The following ADGRL2 variants were observed in gnomAD, a reference collection of about 807,000 sequenced individuals.
The protein encoded by ADGRL2 is calcium-independent alpha-latrotoxin receptor 2.
In ADGRL2, 44 loss-of-function variants were observed where a neutral mutation model predicts 157.4. The observed-to-expected ratio is 0.28, with a 90% CI of 0.22 to 0.36. The LOEUF (loss-of-function observed/expected upper bound fraction) is 0.36. ADGRL2 is among the 10% of genes least tolerant of loss of function. ADGRL2 has a pLI of 1.00. For synonymous variants in ADGRL2, 585 were observed against 624.7 expected, an observed-to-expected ratio of 0.94 and a Z score of 0.95; for missense variants, 1,510 against 1,768.9, an observed-to-expected ratio of 0.85 and a Z score of 2.63.
chr1:81,435,957 G>C (rs192730169), intron 1 of ADGRL2, among the ~76,000 whole-genome samples: 2 of 152,018 alleles, frequency 1.3e-5, no homozygotes, highest in Non-Finnish European at 2.9e-5. Context: ...TTAGCCGGGC[G>C]TGGTGGTGGA....
intron 2 of ADGRL2, among the ~76,000 whole-genome samples, chr1:81,881,331 A>G (rs1166779584): frequency 6.6e-6 from 1 of 152,028 alleles, no homozygotes; most frequent in Non-Finnish European, 1.5e-5. Context: ...GCCCGCCGCC[A>G]CGCCCGGCTA....
At chr1:81,681,759 T>A (rs1217666071) in intron 3 of ADGRL2, among the ~76,000 whole-genome samples, 1 of 152,166 alleles carries the variant, frequency 6.6e-6, no homozygotes, top group African/African-American at 2.4e-5. Flanking sequence ...GCAAAGCAGG[T>A]GGGGCTTTGC....
At chr1:81,613,389 G>T (rs980733073) in intron 3 of ADGRL2, among the ~76,000 whole-genome samples, 4 of 152,192 alleles carry the variant, frequency 2.6e-5, no homozygotes, top group Admixed American at 1.3e-4. Flanking sequence ...ATGTTTCTGT[G>T]CATGAAAGCC....
intron 3 of ADGRL2, among the ~76,000 whole-genome samples, chr1:81,930,998 A>G (rs1290166181): frequency 6.6e-6 from 1 of 152,096 alleles, no homozygotes; most frequent in African/African-American, 2.4e-5. Flanking sequence ...AAAAAATAAA[A>G]ATTAGCCAGG....
chr1:81,643,547 A>G (rs955335543), intron 3 of ADGRL2, among the ~76,000 whole-genome samples: 1 of 152,132 alleles, frequency 6.6e-6, no homozygotes, highest in East Asian at 1.9e-4. Flanking sequence ...AGACTCAAGC[A>G]ATCCTCCTGC....
intron 11 of ADGRL2, among the ~76,000 whole-genome samples, chr1:81,963,707 CT>C (rs1159395275): frequency 1.3e-5 from 2 of 151,142 alleles, no homozygotes; most frequent in East Asian, 3.9e-4. Context: ...TTTCTATATG[CT>C]TTTTTAACTT....
chr1:81,829,837 C>T (rs1216790138), intron 1 of ADGRL2, among the ~76,000 whole-genome samples: 1 of 152,042 alleles, frequency 6.6e-6, no homozygotes, highest in Non-Finnish European at 1.5e-5. Context: ...CTCTTCCTAC[C>T]CTTATATAGT....
At position 81,347,214 on chromosome 1, in the gene ADGRL2, C is replaced by T. The variant is rs904069842; in HGVS notation, c.-302+40705C>T. Among the ~76,000 whole-genome samples the T allele has an allele frequency of 2.6e-5, 4 of 151,968 alleles. No homozygotes were observed. In the East Asian group the frequency reaches 5.8e-4, roughly 22 times the overall value. ...AGGAGTTTGAGACCAGCCTGTCCAA[C>T]GTGGCAAAACGCTGTCTCTACTAAA... On this transcript the variant is annotated intron_variant, in intron 1 of 24. Coordinates refer to the ADGRL2 transcript ENST00000370721.
intron 2 of ADGRL2, among the ~76,000 whole-genome samples, chr1:81,779,152 C>T (rs2086713035): frequency 6.6e-6 from 1 of 151,952 alleles, no homozygotes; most frequent in Admixed American, 6.6e-5. Flanking sequence ...GTGAACAAAT[C>T]AAAGTACCTG....
chr1:81,472,524 A>G lies in ADGRL2; in HGVS notation c.-248+27435A>G, dbSNP rs553797225. On this transcript the variant is annotated intron_variant, in intron 2 of 24. Coordinates refer to the ADGRL2 transcript ENST00000370721. ...CACACGCCTGTAATCCCAGCTACTCAGGAGTCTGAGGCAAGAGAATCTCTT... is the reference window on the plus strand; with the variant it reads ...CACACGCCTGTAATCCCAGCTACTCGGGAGTCTGAGGCAAGAGAATCTCTT... Among the ~76,000 whole-genome samples, 25 of 152,222 alleles carry G rather than the reference A, an allele frequency of 1.6e-4. No homozygotes were observed. In the East Asian group the frequency reaches 4.6e-3, roughly 28 times the overall value.
chr1:81,557,720 TAG>T (rs1482989774), intron 2 of ADGRL2: 1 of 152,134 alleles, frequency 6.6e-6, no homozygotes, highest in Non-Finnish European at 1.5e-5. Context: ...GAAGTACTGT[TAG>T]AAGGTCTCAG....
intron 2 of ADGRL2, among the ~76,000 whole-genome samples, chr1:81,576,247 TA>T (rs760381753): frequency 5.9e-5 from 9 of 152,086 alleles, no homozygotes; most frequent in Non-Finnish European, 1.2e-4. Context: ...TCTAGGTAAT[TA>T]AAATGTTGCT....
In ADGRL2 at chr1:81,362,179, C is replaced by G. The variant is rs1292058758; in HGVS notation, c.-302+55670C>G. Among the ~76,000 whole-genome samples the G allele has an allele frequency of 2.6e-5, 4 of 151,962 alleles. No individual in the cohort carries two copies. In the South Asian group the frequency reaches 8.3e-4, roughly 32 times the overall value. On this transcript the variant is annotated intron_variant, in intron 1 of 24. Coordinates refer to the ADGRL2 transcript ENST00000370721. Reference sequence around the variant, plus strand: ...TAGGCTTTCATTAAGCATTCCTATACTAAAACACCATAGGAATCTCACCTT... The same window carrying G: ...TAGGCTTTCATTAAGCATTCCTATAGTAAAACACCATAGGAATCTCACCTT...
intron 3 of ADGRL2, among the ~76,000 whole-genome samples, chr1:81,607,119 C>G (rs1373869530): frequency 1.3e-5 from 2 of 152,132 alleles, no homozygotes; most frequent in Non-Finnish European, 2.9e-5. Context: ...ACCCTGGACT[C>G]AATCCCAAGA....
chr1:81,993,088 T>TATATATATATATA lies in ADGRL2; in HGVS notation c.*1943_*1944insATATATATATATA, dbSNP rs1491265569. The stretch of plus-strand genomic sequence containing the variant: ...ATATATATATATATATATATATATA[T>TATATATATATATA]TTTTTTTTTTTTTTTTTTTTTTTTT... On this transcript the variant is annotated 3_prime_UTR_variant, in exon 24 of 24. Coordinates refer to ENST00000686636, the MANE Select transcript of ADGRL2 (RefSeq NM_001366006.2). Among the ~76,000 whole-genome samples, 46 of 19,628 alleles carry TATATATATATATA rather than the reference T, an allele frequency of 2.3e-3. No homozygotes were observed. The highest frequency in any genetic ancestry group is 6.1e-3 in the Admixed American group (7 of 1,154). 12.9% of individuals were successfully genotyped at this position (19,628 alleles called of 152,430 possible).
At chr1:81,651,719 TTTTG>T (rs936180306) in intron 3 of ADGRL2, among the ~76,000 whole-genome samples, 4 of 152,066 alleles carry the variant, frequency 2.6e-5, no homozygotes, top group African/African-American at 9.7e-5. Flanking sequence ...AACCAGGAGA[TTTTG>T]TTTGTTTGTT....
intron 8 of ADGRL2, among the ~76,000 whole-genome samples, chr1:81,951,530 G>T (rs1651793252): frequency 6.6e-6 from 1 of 152,130 alleles, no homozygotes; most frequent in African/African-American, 2.4e-5. Flanking sequence ...TAATATTGCA[G>T]TGTAATGCAA....
chr1:81,517,752 T>G (rs533838938), intron 2 of ADGRL2, among the ~76,000 whole-genome samples: 2 of 152,232 alleles, frequency 1.3e-5, no homozygotes, highest in African/African-American at 4.8e-5. Flanking sequence ...AAAACCAGAG[T>G]TACATTCCGT....
Position 81,951,991 on chromosome 1 carries a change from A to G in ADGRL2, c.1643A>G (p.Asn548Ser), listed in dbSNP as rs773706452. ...GGAGAAAATGCTGCTAGTCTTGCCA[A>G]TGAACTGGCTAAACATACCAAAGGG... Reference protein sequence around the residue: ...RSGENAASLANELAKHTKGPV... With the variant: ...RSGENAASLASELAKHTKGPV... The change falls in exon 9 of 24, where the codon AAT becomes AGT. Residue 548 changes from asparagine (N) to serine (S), a missense_variant. Asn to Ser is a conservative substitution (Grantham distance 46). This residue lies in a region of ADGRL2 where 325 missense variants were observed against 333.2 expected (regional missense o/e 0.98). Coordinates refer to ENST00000686636, the MANE Select transcript of ADGRL2 (RefSeq NM_001366006.2). The G allele has an allele frequency of 1.4e-5, 22 of 1,610,904 alleles. No individual in the cohort carries two copies. The highest frequency in any genetic ancestry group is 1.7e-4 in the Middle Eastern group (1 of 6,046).
Sources: allele counts gnomAD v4.1 joint callset (sites outside exome capture counted in the v4.1 genomes callset), GRCh38; gene constraint gnomAD v4.1.1; regional missense constraint gnomAD v4.1.1; transcripts MANE v1.5; gene names NCBI Gene and HGNC (gene_info 2026-07-23, HGNC 2026-07-21).